USH2A: variants seen among roughly 807,000 people sequenced by gnomAD.
The protein encoded by USH2A is usherin.
USH2A carries 443 observed loss-of-function variants against 538.9 expected under a neutral mutation model. The observed-to-expected ratio is 0.82, with a 90% confidence interval of 0.76 to 0.89. USH2A has a LOEUF of 0.89. USH2A is among the 40% of genes least tolerant of loss of function. USH2A has a pLI of 0.00. For missense variants in USH2A, 6,633 were observed against 6,324.8 expected, an observed-to-expected ratio of 1.05 and a Z score of -1.65; for synonymous variants, 2,413 against 2,273.5, an observed-to-expected ratio of 1.06 and a Z score of -1.75.
At chr1:216,366,705 C>T (rs1480566003) in intron 3 of USH2A, among the ~76,000 whole-genome samples, 1 of 152,056 alleles carries the variant, frequency 6.6e-6, no homozygotes, top group Non-Finnish European at 1.5e-5. Context: ...CCATTCTAAC[C>T]ACCCTACTTT....
chr1:215,638,870 C>T (rs1571922366), intron 69 of USH2A, among the ~76,000 whole-genome samples: 1 of 150,744 alleles, frequency 6.6e-6, no homozygotes, highest in African/African-American at 2.4e-5. Context: ...CCCAGCTACT[C>T]GGGAGGCTGA....
chr1:216,143,135 A>G (rs114411345), intron 21 of USH2A, among the ~76,000 whole-genome samples: 2,173 of 152,198 alleles, frequency 0.014, 47 homozygotes, highest in African/African-American at 0.049. Context: ...CTATGTTGTA[A>G]TAAGTGTGCC....
intron 37 of USH2A, among the ~76,000 whole-genome samples, chr1:215,950,311 A>G (rs1490714325): frequency 2.6e-5 from 4 of 152,130 alleles, no homozygotes; most frequent in Admixed American, 2.6e-4. Context: ...GTACCTATTG[A>G]ATATTAAATA....
chr1:215,718,387 G>T (rs573750205), intron 61 of USH2A, among the ~76,000 whole-genome samples: 64 of 152,222 alleles, frequency 4.2e-4, no homozygotes, highest in African/African-American at 1.5e-3. Flanking sequence ...TAGGCTTCAG[G>T]AGCTCACAAT....
At chr1:216,191,029 A>G (rs1046514337) in intron 19 of USH2A, among the ~76,000 whole-genome samples, 1 of 152,072 alleles carries the variant, frequency 6.6e-6, no homozygotes, top group Non-Finnish European at 1.5e-5. Flanking sequence ...AAGAAGACTG[A>G]CAGGAAACTC....
chr1:216,038,684 C>T (rs1197750595), intron 32 of USH2A, among the ~76,000 whole-genome samples: 2 of 151,868 alleles, frequency 1.3e-5, no homozygotes, highest in Admixed American at 6.6e-5. Flanking sequence ...TTGTAAATAT[C>T]CATCAAGCTG....
intron 38 of USH2A, among the ~76,000 whole-genome samples, chr1:215,931,285 G>T (rs1468461113): frequency 6.6e-6 from 1 of 151,758 alleles, no homozygotes. Flanking sequence ...AATAGAGGTA[G>T]GACTGGCAAA....
intron 4 of USH2A, among the ~76,000 whole-genome samples, chr1:216,332,021 C>T (rs1039810972): frequency 6.6e-6 from 1 of 152,124 alleles, no homozygotes; most frequent in Admixed American, 6.6e-5. Flanking sequence ...ACAACATGTT[C>T]TATGGCATTT....
intron 48 of USH2A, among the ~76,000 whole-genome samples, chr1:215,815,786 T>G (rs1275670921): frequency 6.6e-6 from 1 of 152,044 alleles, no homozygotes; most frequent in Non-Finnish European, 1.5e-5. Context: ...AACATTATCT[T>G]TACTAGTTTT....
intron 69 of USH2A, among the ~76,000 whole-genome samples, chr1:215,635,501 T>C (rs1304224115): frequency 6.6e-6 from 1 of 152,004 alleles, no homozygotes; most frequent in Non-Finnish European, 1.5e-5. Flanking sequence ...TGCTTAGAGC[T>C]TTACAGGGAT....
At chr1:216,230,876 ACTCTCTCT>A (rs1553318004) in intron 14 of USH2A, among the ~76,000 whole-genome samples, 3 of 75,184 alleles carry the variant, frequency 4.0e-5, no homozygotes, top group East Asian at 8.4e-4. Flanking sequence ...TCATAATCTC[ACTCTCTCT>A]CTCTCTCTCT....
At chr1:216,154,529 T>G (rs1164124418) in intron 21 of USH2A, among the ~76,000 whole-genome samples, 1 of 152,184 alleles carries the variant, frequency 6.6e-6, no homozygotes, top group Non-Finnish European at 1.5e-5. Flanking sequence ...TTAATTTTAG[T>G]GAGATAAAAA....
At chr1:215,970,802 G>A (rs767389431) in intron 35 of USH2A, 26 bp from the exon 36 acceptor site, 4 of 1,610,612 alleles carry the variant, frequency 2.5e-6, no homozygotes, top group South Asian at 1.1e-5. Context: ...TTGCCTTTCA[G>A]TATGACTACT....
At chr1:216,159,771 A>T (rs577640209) in intron 21 of USH2A, among the ~76,000 whole-genome samples, 5 of 152,214 alleles carry the variant, frequency 3.3e-5, no homozygotes, top group Admixed American at 6.5e-5. Context: ...AAATCCACCA[A>T]TCGGGCCACC....
At chr1:216,099,959 C>G (rs12069248) in intron 21 of USH2A, among the ~76,000 whole-genome samples, 24 of 151,818 alleles carry the variant, frequency 1.6e-4, no homozygotes, top group Non-Finnish European at 1.5e-5. Context: ...GTCTAAGAGA[C>G]AGATTGTAGA....
chr1:216,046,656 C>A (rs1202455308), intron 31 of USH2A, 64 bp from the exon 32 acceptor site: 4 of 1,577,252 alleles, frequency 2.5e-6, no homozygotes, highest in Non-Finnish European at 3.5e-6. Context: ...ACTTTTCAGA[C>A]CCAAACCAAT....
intron 21 of USH2A, among the ~76,000 whole-genome samples, chr1:216,161,636 G>A (rs1326807833): frequency 6.6e-6 from 1 of 151,866 alleles, no homozygotes; most frequent in Non-Finnish European, 1.5e-5. Context: ...CTGCAGCTCT[G>A]TGCTTCCTTT....
intron 61 of USH2A, among the ~76,000 whole-genome samples, chr1:215,710,518 AAC>A (rs144881757): frequency 1.5e-3 from 221 of 152,254 alleles, no homozygotes; most frequent in African/African-American, 5.0e-3. Flanking sequence ...TCAGGGTCTT[AAC>A]AGTCATGCGT....
At chr1:216,001,912 C>T (rs1668272980) in intron 32 of USH2A, among the ~76,000 whole-genome samples, 3 of 152,130 alleles carry the variant, frequency 2.0e-5, no homozygotes, top group Admixed American at 2.0e-4. Context: ...ACTCTTAATG[C>T]TTTTGATTAA....
Sources: gnomAD v4.1 joint callset for allele counts (sites outside exome capture counted in the v4.1 genomes callset) on GRCh38, gnomAD v4.1.1 for gene constraint, MANE v1.5 for transcripts, NCBI Gene and HGNC (gene_info 2026-07-23, HGNC 2026-07-21) for gene names.